Variants in CHRM3 observed in about 807,000 individuals in gnomAD.
CHRM3 encodes cholinergic receptor muscarinic 3.
CHRM3 carries 11 observed loss-of-function variants against 41.8 expected under a neutral mutation model. The ratio of observed to expected loss-of-function variants is 0.26; its 90% CI spans 0.17 to 0.44. CHRM3 has a LOEUF of 0.44. CHRM3 is among the 20% of genes least tolerant of loss of function. CHRM3 has a pLI of 1.00. For synonymous variants in CHRM3, 297 were observed against 301.4 expected (o/e 0.99, Z 0.15); for missense variants, 571 against 745.4 (o/e 0.77, Z 2.72).
At chr1:239,683,662 C>T (rs1571971634) in intron 5 of CHRM3, among the ~76,000 whole-genome samples, 1 of 152,290 alleles carries the variant, frequency 6.6e-6, no homozygotes, top group African/African-American at 2.4e-5. Flanking sequence ...TAAAATTCGA[C>T]AGCATCTCTG....
At chr1:239,819,080 G>A (rs1671826509) in intron 5 of CHRM3, among the ~76,000 whole-genome samples, 4 of 152,172 alleles carry the variant, frequency 2.6e-5, no homozygotes, top group Non-Finnish European at 1.5e-5. Flanking sequence ...TTTAACATGA[G>A]CCAGTTATCC....
intron 2 of CHRM3, among the ~76,000 whole-genome samples, chr1:239,507,814 TG>T (rs1668673038): frequency 6.6e-6 from 1 of 152,142 alleles, no homozygotes. Flanking sequence ...GCTTTGGACT[TG>T]GGGGGCTTAG....
intron 4 of CHRM3, among the ~76,000 whole-genome samples, chr1:239,657,719 G>A (rs528391876): frequency 2.0e-4 from 30 of 152,324 alleles, no homozygotes; most frequent in African/African-American, 7.0e-4. Flanking sequence ...GTGATTTGAA[G>A]TATGGAGAGG....
chr1:239,393,896 T>C (rs890530787), intron 1 of CHRM3, among the ~76,000 whole-genome samples: 168 of 152,274 alleles, frequency 1.1e-3, no homozygotes, highest in Non-Finnish European at 2.0e-3. Context: ...GTAGAATGAG[T>C]AAATGACTCA....
chr1:239,715,237 T>C (rs1662221429), intron 5 of CHRM3, among the ~76,000 whole-genome samples: 1 of 152,046 alleles, frequency 6.6e-6, no homozygotes, highest in Non-Finnish European at 1.5e-5. Flanking sequence ...GAGCAAATGA[T>C]TGGGTACACA....
rs747040392 is a variant in CHRM3, at chr1:239,907,998, A to C, written c.547A>C (p.Lys183Gln). 6.2e-7 allele frequency: 1 copy of C among 1,614,004 alleles called. No homozygotes were observed. Among genetic ancestry groups the C allele is most frequent in the African/African-American group, 1.3e-5 (1 of 74,920 alleles). ...PLTYRAKRTT[K>Q]RAGVMIGLAW... ...CACGTACCGAGCCAAACGAACAACA[A>C]AGAGAGCCGGTGTGATGATCGGTCT... The change falls in exon 7 of 7, where the codon AAG becomes CAG. Residue 183 changes from lysine to glutamine, a missense_variant. Transcript: ENST00000676153. This position sits in a 1 kb window ranked among gnomAD's most constrained non-coding sequence, Gnocchi z 5.4.
At chr1:239,629,614 T>G (rs898981358) in intron 3 of CHRM3, 2 of 152,254 alleles carry the variant, frequency 1.3e-5, no homozygotes, top group Non-Finnish European at 2.9e-5. Context: ...ACATAACTTT[T>G]GTGTGCACTG....
intron 6 of CHRM3, among the ~76,000 whole-genome samples, chr1:239,855,125 C>A (rs1356710365): frequency 6.6e-6 from 1 of 152,092 alleles, no homozygotes; most frequent in Non-Finnish European, 1.5e-5. Context: ...TACCATATTC[C>A]ACCTTGCTAG....
intron 4 of CHRM3, among the ~76,000 whole-genome samples, chr1:239,636,053 G>A (rs2148893410): frequency 6.6e-6 from 1 of 152,204 alleles, no homozygotes; most frequent in Non-Finnish European, 1.5e-5. Context: ...TCCTTGGGTG[G>A]GACTGTTTCA....
At chr1:239,703,314 G>A (rs947475285) in intron 5 of CHRM3, 2 of 152,176 alleles carry the variant, frequency 1.3e-5, no homozygotes, top group Admixed American at 6.5e-5. Context: ...AAAGCAAAAT[G>A]TGAGTCAATT....
intron 5 of CHRM3, among the ~76,000 whole-genome samples, chr1:239,729,135 CTG>C (rs1292278218): frequency 5.3e-5 from 8 of 151,962 alleles, no homozygotes; most frequent in African/African-American, 1.9e-4. Context: ...GGACACAAAA[CTG>C]TATTAGCCAT....
intron 3 of CHRM3, among the ~76,000 whole-genome samples, chr1:239,548,496 T>C (rs1234422514): frequency 6.6e-6 from 1 of 152,250 alleles, no homozygotes; most frequent in Admixed American, 6.5e-5. Flanking sequence ...ATGTTATCTT[T>C]GACTGCTTTG....
At chr1:239,511,786 T>A (rs1668940216) in intron 2 of CHRM3, among the ~76,000 whole-genome samples, 3 of 152,138 alleles carry the variant, frequency 2.0e-5, no homozygotes, top group Non-Finnish European at 4.4e-5. Context: ...TCACGGGAAA[T>A]TGAGATGAAA....
At position 239,530,131 on chromosome 1, in the gene CHRM3, C is replaced by T. The variant is rs180722080; in HGVS notation, c.-421-15510C>T. ...TGTTAGCCAGGATGGTCTTGATCTC[C>T]TGACCTTGTGATCTGCCCGCCTCGG... On this transcript the variant is annotated intron_variant, in intron 2 of 6. Coordinates refer to ENST00000676153, the MANE Select transcript of CHRM3 (RefSeq NM_001375978.1). Among the ~76,000 whole-genome samples the T allele has an allele frequency of 4.0e-3, 608 of 152,248 alleles. 4 individuals are homozygous for T. The highest frequency in any genetic ancestry group is 0.014 in the African/African-American group (592 of 41,548).
At chr1:239,419,450 A>C (rs1227296851) in intron 1 of CHRM3, among the ~76,000 whole-genome samples, 1 of 150,852 alleles carries the variant, frequency 6.6e-6, no homozygotes, top group Non-Finnish European at 1.5e-5. Context: ...TCATGTGTAG[A>C]TATAACTTGT....
intron 6 of CHRM3, among the ~76,000 whole-genome samples, chr1:239,874,919 GAA>G (rs1368805961): frequency 6.6e-6 from 1 of 151,786 alleles, no homozygotes; most frequent in East Asian, 1.9e-4. Flanking sequence ...GGCTGGTCTC[GAA>G]CTCTCAGCCT....
intron 1 of CHRM3, among the ~76,000 whole-genome samples, chr1:239,465,657 C>T (rs1410726889): frequency 2.6e-5 from 4 of 152,140 alleles, no homozygotes; most frequent in South Asian, 4.1e-4. Flanking sequence ...TCTCCACTTT[C>T]GTATCTTCGT....
At chr1:239,638,105 T>C (rs1350457212) in intron 4 of CHRM3, among the ~76,000 whole-genome samples, 1 of 151,794 alleles carries the variant, frequency 6.6e-6, no homozygotes, top group East Asian at 1.9e-4. Flanking sequence ...CCATTTTTTA[T>C]GGCTGCATAG....
At chr1:239,525,949 AC>A (rs1196454310) in intron 2 of CHRM3, among the ~76,000 whole-genome samples, 1 of 152,148 alleles carries the variant, frequency 6.6e-6, no homozygotes, top group Non-Finnish European at 1.5e-5. Context: ...TGGGAGTGGA[AC>A]TCAGGCATCA....
Sources: gnomAD v4.1 joint callset for allele counts (sites outside exome capture counted in the v4.1 genomes callset) on GRCh38, gnomAD v4.1.1 for gene constraint, Gnocchi (gnomAD v3.1) non-coding constraint, MANE v1.5 for transcripts, NCBI Gene and HGNC (gene_info 2026-07-23, HGNC 2026-07-21) for gene names.